KSR2: variants seen among roughly 807,000 people sequenced by gnomAD.
KSR2 encodes kinase suppressor of ras 2.
Under a neutral mutation model 107.8 loss-of-function variants are expected in KSR2, and 25 were observed. That is an observed-to-expected ratio of 0.23 (90% CI 0.17 to 0.32). The LOEUF (loss-of-function observed/expected upper bound fraction) is 0.32, where lower values mean the gene tolerates loss of function less well. Ranked by LOEUF, KSR2 falls within the 10% of genes least tolerant of loss-of-function variation. KSR2 has a pLI of 1.00. For synonymous variants in KSR2, 480 were observed against 507.0 expected (o/e 0.95, Z 0.71); for missense variants, 887 against 1,268.9 (o/e 0.70, Z 4.57).
chr12:117,847,140 G>C (rs891977709), intron 3 of KSR2, among the ~76,000 whole-genome samples: 4 of 152,202 alleles, frequency 2.6e-5, no homozygotes, highest in Non-Finnish European at 4.4e-5. Flanking sequence ...CAGAACATAC[G>C]AGACCCTGTG....
chr12:117,544,906 C>T (rs2137300350), intron 9 of KSR2, among the ~76,000 whole-genome samples: 1 of 152,188 alleles, frequency 6.6e-6, no homozygotes, highest in East Asian at 1.9e-4. Flanking sequence ...CTAGCTTGTT[C>T]CTAGCTGTAG....
intron 4 of KSR2, among the ~76,000 whole-genome samples, chr12:117,743,685 C>T (rs1397882234): frequency 6.6e-6 from 1 of 152,166 alleles, no homozygotes; most frequent in Admixed American, 6.5e-5. Context: ...CAATGGGTGG[C>T]ATGGCTGGGA....
rs546146127 is a variant in KSR2 at position 117,681,785 on chromosome 12, G to A, written c.987-14127C>T. ...CTTCTCCCAGCACCATTTGCTAAAT[G>A]GGGGAGAAATAGAAACACTTTTACA... On this transcript the variant is annotated intron_variant, in intron 4 of 19. Transcript: ENST00000339824. Among the ~76,000 whole-genome samples, 3 of 152,244 alleles carry A rather than the reference G, an allele frequency of 2.0e-5. No homozygotes were observed. The South Asian group carries it at 6.2e-4, about 32-fold the overall frequency.
chr12:117,620,515 G>A (rs7965079), intron 5 of KSR2, among the ~76,000 whole-genome samples: 5,798 of 152,214 alleles, frequency 0.038, 250 homozygotes, highest in East Asian at 0.24. Flanking sequence ...GAAACAAAAA[G>A]AAATACAGAC....
At chr12:117,740,436 C>T (rs1328251787) in intron 4 of KSR2, among the ~76,000 whole-genome samples, 3 of 95,932 alleles carry the variant, frequency 3.1e-5, no homozygotes, top group Admixed American at 2.9e-4. Context: ...TTATATATTA[C>T]ATTAATATAT....
Position 117,897,216 on chromosome 12 carries a change from T to C in KSR2, c.181-36785A>G, listed in dbSNP as rs531031134. ...TGACAGATGCCAGTTTCAGGCCATA[T>C]TATGCACATCAGAAATGATCTGGAG... On this transcript the variant is annotated intron_variant, in intron 1 of 19. Transcript: ENST00000339824. The surrounding 1 kb of genome is among the most constrained non-coding windows in gnomAD (Gnocchi z 4.5). Among the ~76,000 whole-genome samples the C allele has an allele frequency of 6.4e-4, 97 of 152,290 alleles. No homozygotes were observed. The highest frequency in any genetic ancestry group is 2.2e-3 in the African/African-American group (92 of 41,562).
chr12:117,708,627 C>T (rs1042896714), intron 4 of KSR2, among the ~76,000 whole-genome samples: 2 of 152,196 alleles, frequency 1.3e-5, no homozygotes, highest in African/African-American at 4.8e-5. Context: ...TCAGTCTCTC[C>T]AACAATTGAC....
rs62913160 is a variant in KSR2 at position 117,942,667 on chromosome 12, G to GT, written c.180+25408dup. ...TCACACCTGGCTAAATTTTTTTTGT[G>GT]TTTTTTTTTTTTGGAGAAACAAGAG... is the stretch of plus-strand genomic sequence containing the variant. On this transcript the variant is annotated intron_variant, in intron 1 of 19. Transcript: ENST00000339824. Among the ~76,000 whole-genome samples the GT allele has an allele frequency of 4.6e-3, 633 of 138,674 alleles. 3 individuals are homozygous for GT. Among genetic ancestry groups the GT allele is most frequent in the African/African-American group, 0.01 (395 of 38,216 alleles). 91.0% of individuals were successfully genotyped at this position (138,674 alleles called of 152,430 possible). A position where few individuals can be genotyped will look rare whatever the true frequency, so the allele number is the denominator to read the frequency against.
intron 4 of KSR2, among the ~76,000 whole-genome samples, chr12:117,684,072 C>A (rs1364270704): frequency 2.0e-5 from 3 of 152,194 alleles, no homozygotes; most frequent in Non-Finnish European, 4.4e-5. Flanking sequence ...GAAGTGAAAA[C>A]AAAACACTAA....
At chr12:117,837,069 T>C (rs1892246924) in intron 3 of KSR2, among the ~76,000 whole-genome samples, 1 of 152,172 alleles carries the variant, frequency 6.6e-6, no homozygotes, top group South Asian at 2.1e-4. Context: ...CATCATGACA[T>C]GAATGCGGAA....
chr12:117,653,766 G>A (rs1195413396), intron 5 of KSR2, among the ~76,000 whole-genome samples: 1 of 152,214 alleles, frequency 6.6e-6, no homozygotes, highest in African/African-American at 2.4e-5. Flanking sequence ...TTGGATTTTG[G>A]AGGCAACACA....
chr12:117,883,508 G>C (rs886171156), intron 1 of KSR2, among the ~76,000 whole-genome samples: 2 of 152,070 alleles, frequency 1.3e-5, no homozygotes, highest in Non-Finnish European at 2.9e-5. Context: ...TGGCAGCAAA[G>C]AGCTCAGAGC....
chr12:117,599,422 C>A (rs10774940), intron 5 of KSR2, among the ~76,000 whole-genome samples: 139,211 of 152,186 alleles, frequency 0.91, 63,897 homozygotes, highest in East Asian at 0.99. Context: ...TGAGACAAAG[C>A]ATCTGCATTT....
At chr12:117,476,239 T>C (rs1229822430) in intron 17 of KSR2, among the ~76,000 whole-genome samples, 1 of 152,210 alleles carries the variant, frequency 6.6e-6, no homozygotes, top group Non-Finnish European at 1.5e-5. Context: ...ATGAGTTGGG[T>C]AACTTGTTAA....
At chr12:117,662,150 G>A (rs1473953850) in intron 5 of KSR2, among the ~76,000 whole-genome samples, 1 of 152,120 alleles carries the variant, frequency 6.6e-6, no homozygotes, top group Non-Finnish European at 1.5e-5. Context: ...AGTCCTTTGG[G>A]TAACTCCAAT....
chr12:117,898,283 T>C (rs952247911), intron 1 of KSR2, among the ~76,000 whole-genome samples: 6 of 152,162 alleles, frequency 3.9e-5, no homozygotes, highest in African/African-American at 1.4e-4. Flanking sequence ...TCTTCCACTT[T>C]CTTTAGGAAA....
At position 117,570,298 on chromosome 12, in the gene KSR2, C is replaced by A. The variant is rs114887559; in HGVS notation, c.1325+8821G>T. ...ATTACAGGCTTGAGCCATCTGCAGA[C>A]GTTTTTGATGGTCACAACTGGGAGT... On this transcript the variant is annotated intron_variant, in intron 7 of 19. Transcript: ENST00000339824. 3.7e-3 allele frequency among the ~76,000 whole-genome samples: 560 copies of A among 152,104 alleles called. 5 individuals carry two copies. The highest frequency in any genetic ancestry group is 0.013 in the African/African-American group (540 of 41,508).
rs570882224 is a variant in KSR2, at chr12:117,664,920, C to T, written c.1171+2554G>A. ...CAGAGACAGAGGCCACAAAGGCAAC[C>T]GGCGGCAACACTGAGATTCCAACAG... On this transcript the variant is annotated intron_variant, in intron 5 of 19. Coordinates refer to ENST00000339824, the MANE Select transcript of KSR2 (RefSeq NM_173598.6). Among the ~76,000 whole-genome samples, 7 of 152,194 alleles carry T rather than the reference C, an allele frequency of 4.6e-5. No individual in the cohort carries two copies. The East Asian group carries it at 7.7e-4, about 17-fold the overall frequency.
intron 7 of KSR2, among the ~76,000 whole-genome samples, chr12:117,566,732 G>C (rs1187247342): frequency 2.0e-5 from 3 of 152,160 alleles, no homozygotes; most frequent in Non-Finnish European, 4.4e-5. Flanking sequence ...TGTGCCAAGG[G>C]CTATGCTAGG....
Sources: gnomAD v4.1 joint callset for allele counts (sites outside exome capture counted in the v4.1 genomes callset) on GRCh38, gnomAD v4.1.1 for gene constraint, Gnocchi (gnomAD v3.1) non-coding constraint, MANE v1.5 for transcripts, NCBI Gene and HGNC (gene_info 2026-07-23, HGNC 2026-07-21) for gene names.